The following DSTN variants were observed in gnomAD, a reference collection of about 807,000 sequenced individuals.
DSTN encodes the protein destrin.
A neutral mutation model predicts 16.8 loss-of-function variants in DSTN; 10 were observed. That is an observed-to-expected ratio of 0.60 (90% CI 0.37 to 1.01). The LOEUF (loss-of-function observed/expected upper bound fraction) is 1.01, where lower values mean the gene tolerates loss of function less well. DSTN is among the 50% of genes least tolerant of loss of function. The probability of loss-of-function intolerance (pLI) is 0.01; values close to 1 mark genes in which losing one functional copy is unlikely to be tolerated. For missense variants in DSTN, 141 were observed against 196.7 expected (o/e 0.72, Z 1.69); for synonymous variants, 57 against 58.9 (o/e 0.97, Z 0.14).
At chr20:17,577,877 T>C (rs1474259012) in intron 1 of DSTN, among the ~76,000 whole-genome samples, 1 of 152,218 alleles carries the variant, frequency 6.6e-6, no homozygotes, top group Non-Finnish European at 1.5e-5. Flanking sequence ...ATTCATATAC[T>C]CAAGTTGCTC....
chr20:17,589,883 AT>A (rs1250209216), intron 1 of DSTN, among the ~76,000 whole-genome samples: 1 of 152,094 alleles, frequency 6.6e-6, no homozygotes. Flanking sequence ...TTAGAAAAAA[AT>A]TTTTTAATTA....
chr20:17,570,356 G>T, intron 1 of DSTN, 145 bp downstream of exon 1: 3 of 1,188,182 alleles, frequency 2.5e-6, no homozygotes, highest in Non-Finnish European at 3.3e-6. Flanking sequence ...GGCTGCGGGT[G>T]AGGGGGGGTC....
At chr20:17,594,415 T>C (rs2035503322) in intron 1 of DSTN, among the ~76,000 whole-genome samples, 2 of 152,190 alleles carry the variant, frequency 1.3e-5, no homozygotes, top group Admixed American at 6.5e-5. Flanking sequence ...AAGATCACTT[T>C]TATTTAACTT....
chr20:17,605,645 C>T (rs1419515071), intron 3 of DSTN, among the ~76,000 whole-genome samples: 1 of 152,134 alleles, frequency 6.6e-6, no homozygotes, highest in Non-Finnish European at 1.5e-5. Context: ...TTTGGCAACC[C>T]CCAGAAGTGT....
intron 1 of DSTN, among the ~76,000 whole-genome samples, chr20:17,589,140 T>TTA (rs1164076156): frequency 6.6e-6 from 1 of 152,142 alleles, no homozygotes; most frequent in East Asian, 1.9e-4. Context: ...TCTTTTTCTT[T>TTA]TTAATCCCAT....
chr20:17,600,060 A>G (rs369782895), intron 1 of DSTN, among the ~76,000 whole-genome samples: 21 of 152,366 alleles, frequency 1.4e-4, no homozygotes, highest in East Asian at 7.7e-4. Flanking sequence ...TCAGCCCAGA[A>G]TAGCAAGTAT....
intron 2 of DSTN, among the ~76,000 whole-genome samples, chr20:17,602,145 T>C (rs929502209): frequency 6.6e-6 from 1 of 152,206 alleles, no homozygotes; most frequent in African/African-American, 2.4e-5. Context: ...AAGCTTTTAC[T>C]GCACTTGATT....
At chr20:17,591,349 T>G (rs919437307) in intron 1 of DSTN, among the ~76,000 whole-genome samples, 1 of 152,072 alleles carries the variant, frequency 6.6e-6, no homozygotes, top group Non-Finnish European at 1.5e-5. Flanking sequence ...GGGTTTTTTT[T>G]TTTTTGGGCA....
chr20:17,577,090 G>T (rs2035287489), intron 1 of DSTN, among the ~76,000 whole-genome samples: 1 of 152,296 alleles, frequency 6.6e-6, no homozygotes, highest in East Asian at 1.9e-4. Flanking sequence ...CAGGCTATGG[G>T]TATAAAGTGT....
chr20:17,601,056 T>G lies in DSTN; in HGVS notation c.311+11T>G. ...GATGTTTTTTTTGTGGTAAGCATGT[T>G]AGAAATATTGAGCCTCTGTAAAACT... On this transcript the variant is annotated intron_variant, in intron 2 of 3. Transcript: ENST00000246069. 3 of 1,582,682 alleles carry G rather than the reference T, an allele frequency of 1.9e-6. No homozygotes were observed. The highest frequency in any genetic ancestry group is 8.6e-7 in the Non-Finnish European group (1 of 1,164,270).
At chr20:17,591,953 G>C in intron 1 of DSTN, 1 of 985,408 alleles carries the variant, frequency 1.0e-6, no homozygotes, top group Non-Finnish European at 1.2e-6. Context: ...ACCCACTAGA[G>C]GCAAAGACGT....
At chr20:17,575,689 A>G (rs985222942) in intron 1 of DSTN, among the ~76,000 whole-genome samples, 2 of 152,176 alleles carry the variant, frequency 1.3e-5, no homozygotes, top group Non-Finnish European at 2.9e-5. Context: ...ATATAAATTT[A>G]TATATAAAGA....
At chr20:17,594,268 A>G (rs1259719530) in intron 1 of DSTN, among the ~76,000 whole-genome samples, 1 of 152,044 alleles carries the variant, frequency 6.6e-6, no homozygotes, top group Non-Finnish European at 1.5e-5. Context: ...TGCAATAACA[A>G]ATTAAATTCA....
chr20:17,594,586 C>A (rs1568737113), intron 1 of DSTN, among the ~76,000 whole-genome samples: 1 of 152,080 alleles, frequency 6.6e-6, no homozygotes, highest in South Asian at 2.1e-4. Flanking sequence ...AATGGCTGTT[C>A]AGAACTCAGT....
chr20:17,584,133 T>C (rs2035381245), intron 1 of DSTN, among the ~76,000 whole-genome samples: 1 of 152,156 alleles, frequency 6.6e-6, no homozygotes, highest in South Asian at 2.1e-4. Context: ...ACCCACTGAA[T>C]TTACTACACT....
chr20:17,586,130 A>G (rs2035405763), intron 1 of DSTN, among the ~76,000 whole-genome samples: 1 of 152,202 alleles, frequency 6.6e-6, no homozygotes. Context: ...GCAGAATATT[A>G]GAATGATTTT....
intron 1 of DSTN, among the ~76,000 whole-genome samples, chr20:17,593,130 T>G (rs1293767180): frequency 6.6e-6 from 1 of 152,218 alleles, no homozygotes; most frequent in East Asian, 1.9e-4. Context: ...CTGTTGTATT[T>G]GCTGGGTTCT....
intron 1 of DSTN, among the ~76,000 whole-genome samples, chr20:17,597,601 C>A (rs899672528): frequency 1.3e-5 from 2 of 152,156 alleles, no homozygotes; most frequent in Non-Finnish European, 2.9e-5. Context: ...ATTCCTCATC[C>A]TCCCCTGGCT....
At chr20:17,597,700 T>C (rs1568738398) in intron 1 of DSTN, among the ~76,000 whole-genome samples, 1 of 152,224 alleles carries the variant, frequency 6.6e-6, no homozygotes, top group African/African-American at 2.4e-5. Context: ...GTAATAACTT[T>C]ATTGAGGTAT....
Sources: gnomAD v4.1 joint callset for allele counts (sites outside exome capture counted in the v4.1 genomes callset) on GRCh38, gnomAD v4.1.1 for gene constraint, MANE v1.5 for transcripts, NCBI Gene and HGNC (gene_info 2026-07-23, HGNC 2026-07-21) for gene names.